The following NSL1 variants were observed in gnomAD, a reference collection of about 807,000 sequenced individuals.
NSL1 encodes the protein kinetochore-associated protein NSL1 homolog.
A neutral mutation model predicts 25.4 loss-of-function variants in NSL1; 11 were observed. That is an observed-to-expected ratio of 0.43 (90% CI 0.27 to 0.72). NSL1 has a LOEUF of 0.72. Ranked by LOEUF, NSL1 falls within the 30% of genes least tolerant of loss-of-function variation. The probability of loss-of-function intolerance (pLI) is 0.19; values close to 1 mark genes in which losing one functional copy is unlikely to be tolerated. For missense variants in NSL1, 330 were observed against 342.7 expected, an observed-to-expected ratio of 0.96 and a Z score of 0.29; for synonymous variants, 118 against 120.6, an observed-to-expected ratio of 0.98 and a Z score of 0.14.
intron 3 of NSL1, among the ~76,000 whole-genome samples, chr1:212,782,835 G>A (rs1044493157): frequency 3.3e-5 from 5 of 152,098 alleles, no homozygotes; most frequent in East Asian, 1.9e-4. Context: ...AAAAGGTGGC[G>A]AGGCTACATT....
intron 4 of NSL1, among the ~76,000 whole-genome samples, chr1:212,755,554 G>A (rs1047961830): frequency 2.6e-5 from 4 of 151,532 alleles, no homozygotes; most frequent in Non-Finnish European, 5.9e-5. Context: ...GAAAAACAAT[G>A]ACAGAATAAA....
chr1:212,758,849 A>C (rs1025222552), intron 4 of NSL1, among the ~76,000 whole-genome samples: 1 of 152,204 alleles, frequency 6.6e-6, no homozygotes, highest in Admixed American at 6.5e-5. Flanking sequence ...AAAGAAGAAC[A>C]AGGTTGGAAG....
chr1:212,773,762 CA>C (rs1660228855), intron 4 of NSL1, among the ~76,000 whole-genome samples: 1 of 152,104 alleles, frequency 6.6e-6, no homozygotes. Flanking sequence ...GCACTATTCA[CA>C]ATAGCCTAGA....
chr1:212,736,917 C>T lies in NSL1; in HGVS notation c.*1491G>A. 1.0e-6 allele frequency: 1 copy of T among 983,236 alleles called. No individual in the cohort carries two copies. Among genetic ancestry groups the T allele is most frequent in the Non-Finnish European group, 1.2e-6 (1 of 827,958 alleles). The allele number at this position is 983,236 out of a possible 1,614,324, so 60.9% of individuals were successfully genotyped here. A position where few individuals can be genotyped will look rare whatever the true frequency, so the allele number is the denominator to read the frequency against. On this transcript the variant is annotated 3_prime_UTR_variant, in exon 6 of 6. Transcript: ENST00000366977. ...TCTTATATAATCAAAATGCAAGTAG[C>T]TTATATAATCTAATAGAATTAACAA...
At chr1:212,776,846 C>T (rs1469397712) in intron 4 of NSL1, among the ~76,000 whole-genome samples, 1 of 151,696 alleles carries the variant, frequency 6.6e-6, no homozygotes, top group Non-Finnish European at 1.5e-5. Flanking sequence ...GTAGCTAAAT[C>T]AGGACTTAGA....
chr1:212,771,590 A>G (rs1309914852), intron 4 of NSL1, among the ~76,000 whole-genome samples: 1 of 143,518 alleles, frequency 7.0e-6, no homozygotes, highest in Admixed American at 6.9e-5. Context: ...TCTTACATAG[A>G]GAAAAACCTA....
At position 212,729,062 on chromosome 1, in the gene NSL1, C is replaced by G; in HGVS notation, c.*9346G>C. 2.0e-6 allele frequency: 2 copies of G among 985,334 alleles called. No individual in the cohort carries two copies. Among genetic ancestry groups the G allele is most frequent in the Non-Finnish European group, 1.2e-6 (1 of 829,892 alleles). The allele number at this position is 985,334 out of a possible 1,614,324, so 61.0% of individuals were successfully genotyped here. On this transcript the variant is annotated 3_prime_UTR_variant, in exon 6 of 6. Transcript: ENST00000366977. ...AGGAAGAATACTTGGGTTGGGCTTA[C>G]AAGAAAAATAAATTGCAGTAAGTGT...
rs531445670 is a variant in NSL1, at chr1:212,732,764, A to C, written c.*5644T>G. 5 of 463,924 alleles carry C rather than the reference A, an allele frequency of 1.1e-5. No homozygotes were observed. The highest frequency in any genetic ancestry group is 1.1e-4 in the African/African-American group (5 of 47,150). The allele number at this position is 463,924 out of a possible 1,614,324, so 28.7% of individuals were successfully genotyped here. A position where few individuals can be genotyped will look rare whatever the true frequency, so the allele number is the denominator to read the frequency against. ...GAGCACAGCCCCTGGTAGAACCCCC[A>C]AACGGGATGCCTTGGAGGTAATTTT... On this transcript the variant is annotated 3_prime_UTR_variant, in exon 6 of 6. Transcript: ENST00000366977.
Position 212,738,492 on chromosome 1 carries a change from C to T in NSL1, c.762G>A (p.Met254Ile), listed in dbSNP as rs1193289157. The change falls in exon 6 of 6, where the codon ATG becomes ATA. Residue 254 changes from methionine (M) to isoleucine (I), a missense_variant. By Grantham distance (10) the Met-to-Ile change is conservative. Coordinates refer to ENST00000366977, the MANE Select transcript of NSL1 (RefSeq NM_015471.4). ...TETASRKTSDMVLKRKQTKDC... is the reference protein window; with the variant it reads ...TETASRKTSDIVLKRKQTKDC... ...CTTTAGTTTGCTTTCTTTTCAGTAC[C>T]ATGTCAGAGGTTTTCCTGGAAGCAG... 11 of 1,613,894 alleles carry T rather than the reference C, an allele frequency of 6.8e-6. No individual in the cohort carries two copies. Among genetic ancestry groups the T allele is most frequent in the Non-Finnish European group, 9.3e-6 (11 of 1,179,996 alleles).
chr1:212,727,203 T>G lies in NSL1; in HGVS notation c.*11205A>C. The G allele has an allele frequency of 6.5e-7, 1 of 1,527,936 alleles. No individual in the cohort carries two copies. The allele number at this position is 1,527,936 out of a possible 1,614,324, so 94.6% of individuals were successfully genotyped here. On this transcript the variant is annotated 3_prime_UTR_variant, in exon 6 of 6. Transcript: ENST00000366977. ...TCCTAATGTGTTAAATGGGGGTGAA[T>G]GGAATTTAGAAGATCTCTTTTTCTG... is the stretch of plus-strand genomic sequence containing the variant.
intron 4 of NSL1, among the ~76,000 whole-genome samples, chr1:212,747,809 A>C (rs770249461): frequency 6.6e-6 from 1 of 152,180 alleles, no homozygotes; most frequent in Non-Finnish European, 1.5e-5. Flanking sequence ...TCTGTCACCC[A>C]GGCTGGAGTG....
intron 4 of NSL1, among the ~76,000 whole-genome samples, chr1:212,747,072 G>C (rs1347013197): frequency 6.6e-6 from 1 of 150,946 alleles, no homozygotes; most frequent in African/African-American, 2.4e-5. Context: ...TGGAACCCAG[G>C]AAGCGGAGGT....
Position 212,734,561 on chromosome 1 carries a change from C to T in NSL1, c.*3847G>A, listed in dbSNP as rs988322766. ...CATTCCCAGTTAATATCTCCCCTCT[C>T]CCCAGAGGGAACCACCATGGCTTAG... On this transcript the variant is annotated 3_prime_UTR_variant, in exon 6 of 6. Transcript: ENST00000366977. Among the ~76,000 whole-genome samples the T allele has an allele frequency of 5.9e-5, 9 of 152,182 alleles. No homozygotes were observed. Among genetic ancestry groups the T allele is most frequent in the African/African-American group, 2.2e-4 (9 of 41,432 alleles).
rs1194138042 is a variant in NSL1 at position 212,760,845 on chromosome 1, A to C, written c.500-21244T>G. Among the ~76,000 whole-genome samples, 3 of 152,168 alleles carry C rather than the reference A, an allele frequency of 2.0e-5. No homozygotes were observed. The highest frequency in any genetic ancestry group is 2.9e-5 in the Non-Finnish European group (2 of 68,044). ...TGTGTACACTGCCAAGGGAACCAAAAATGGATGTATTTGGCATGCCATCAC... is the reference window on the plus strand; with the variant it reads ...TGTGTACACTGCCAAGGGAACCAAACATGGATGTATTTGGCATGCCATCAC... On this transcript the variant is annotated intron_variant, in intron 4 of 5. Coordinates refer to ENST00000366977, the MANE Select transcript of NSL1 (RefSeq NM_015471.4). This position sits in a 1 kb window ranked among gnomAD's most constrained non-coding sequence, Gnocchi z 4.3.
Position 212,733,661 on chromosome 1 carries a change from G to C in NSL1, c.*4747C>G, listed in dbSNP as rs1050095511. ...TTCATCTACACTGTGGCATTTACCA[G>C]TACCTCATTTCTTCTTATTGCCAAA... On this transcript the variant is annotated 3_prime_UTR_variant, in exon 6 of 6. Coordinates refer to ENST00000366977, the MANE Select transcript of NSL1 (RefSeq NM_015471.4). 1.2e-4 allele frequency among the ~76,000 whole-genome samples: 19 copies of C among 152,176 alleles called. No individual in the cohort carries two copies. Among genetic ancestry groups the C allele is most frequent in the African/African-American group, 4.3e-4 (18 of 41,438 alleles).
Position 212,727,958 on chromosome 1 carries a change from C to T in NSL1, c.*10450G>A. The T allele has an allele frequency of 1.0e-6, 1 of 985,404 alleles. No individual in the cohort carries two copies. The highest frequency in any genetic ancestry group is 1.2e-6 in the Non-Finnish European group (1 of 829,930). The allele number at this position is 985,404 out of a possible 1,614,324, so 61.0% of individuals were successfully genotyped here. A position where few individuals can be genotyped will look rare whatever the true frequency, so the allele number is the denominator to read the frequency against. ...TGTAGCGGTGAGAGCGTCTGAGACT[C>T]TGGACAAGGCCTTTGCTGTGAACCA... is the stretch of plus-strand genomic sequence containing the variant. On this transcript the variant is annotated 3_prime_UTR_variant, in exon 6 of 6. Coordinates refer to ENST00000366977, the MANE Select transcript of NSL1 (RefSeq NM_015471.4).
Position 212,730,428 on chromosome 1 carries a change from G to T in NSL1, c.*7980C>A. ...GCTACATGAATGGGCACCAAGGGAG[G>T]TCTTAAAATCTGCAACTAGGTATGA... On this transcript the variant is annotated 3_prime_UTR_variant, in exon 6 of 6. Coordinates refer to ENST00000366977, the MANE Select transcript of NSL1 (RefSeq NM_015471.4). 1 of 985,232 alleles carries T rather than the reference G, an allele frequency of 1.0e-6. No individual in the cohort carries two copies. The highest frequency in any genetic ancestry group is 1.2e-6 in the Non-Finnish European group (1 of 829,910). 61.0% of individuals were successfully genotyped at this position (985,232 alleles called of 1,614,324 possible). A position where few individuals can be genotyped will look rare whatever the true frequency, so the allele number is the denominator to read the frequency against.
In NSL1 at chr1:212,733,820, G is replaced by A. The variant is rs1473848770; in HGVS notation, c.*4588C>T. Among the ~76,000 whole-genome samples the A allele has an allele frequency of 4.6e-5, 7 of 152,204 alleles. No homozygotes were observed. The highest frequency in any genetic ancestry group is 8.8e-5 in the Non-Finnish European group (6 of 68,030). On this transcript the variant is annotated 3_prime_UTR_variant, in exon 6 of 6. Transcript: ENST00000366977. ...TTTTCAATTCTCTTAGGTTTAGAAC[G>A]TGGAGTAAAATTGCTGGGCCATATG...
Position 212,738,569 on chromosome 1 carries a change from C to G in NSL1, c.685G>C (p.Asp229His), listed in dbSNP as rs1289986427. The change falls in exon 6 of 6, where the codon GAT becomes CAT. Residue 229 changes from aspartate (D) to histidine (H), a missense_variant. Asp to His is a moderately conservative substitution (Grantham distance 81). Coordinates refer to ENST00000366977, the MANE Select transcript of NSL1 (RefSeq NM_015471.4). ...GTTATAAAGTTCTCAGGTTTAGCAT[C>G]TGGTTTCCTATGACAACTGGAAAAG... ...EVFSSCHRKP[D>H]AKPENFITQI... 1 of 1,614,026 alleles carries G rather than the reference C, an allele frequency of 6.2e-7. No homozygotes were observed. The highest frequency in any genetic ancestry group is 8.5e-7 in the Non-Finnish European group (1 of 1,180,028).
Sources: allele counts gnomAD v4.1 joint callset (sites outside exome capture counted in the v4.1 genomes callset), GRCh38; gene constraint gnomAD v4.1.1; non-coding constraint Gnocchi (gnomAD v3.1); transcripts MANE v1.5; gene names NCBI Gene and HGNC (gene_info 2026-07-23, HGNC 2026-07-21).